Variants in SHANK2 observed in about 807,000 individuals in gnomAD.
SHANK2 encodes the protein SH3 and multiple ankyrin repeat domains 2, also known as SH3 and multiple ankyrin repeat domains protein 2.
Under a neutral mutation model 133.7 loss-of-function variants are expected in SHANK2, and 43 were observed. The ratio of observed to expected loss-of-function variants is 0.32; its 90% CI spans 0.25 to 0.41. SHANK2 has a LOEUF of 0.41. Ranked by LOEUF, SHANK2 falls within the 10% of genes least tolerant of loss-of-function variation. The pLI, the probability that SHANK2 is intolerant of heterozygous loss-of-function variation, is 1.00. For synonymous variants in SHANK2, 1,017 were observed against 952.8 expected, an observed-to-expected ratio of 1.07 and a Z score of -1.24; for missense variants, 1,994 against 2,235.8, an observed-to-expected ratio of 0.89 and a Z score of 2.18.
At chr11:71,149,081 CTCTT>C (rs782748746) in intron 2 of SHANK2, among the ~76,000 whole-genome samples, 93 of 152,170 alleles carry the variant, frequency 6.1e-4, no homozygotes, top group Admixed American at 4.9e-3. Flanking sequence ...CCGTATTATT[CTCTT>C]TGTTAGAAAT....
At chr11:70,828,618 A>AG (rs1409402506) in intron 11 of SHANK2, among the ~76,000 whole-genome samples, 1 of 152,200 alleles carries the variant, frequency 6.6e-6, no homozygotes, top group East Asian at 1.9e-4. Context: ...TGGACCAGCC[A>AG]GGGGGGCCAG....
intron 2 of SHANK2, among the ~76,000 whole-genome samples, chr11:71,216,709 A>G (rs1050033049): frequency 1.3e-5 from 2 of 152,174 alleles, no homozygotes; most frequent in African/African-American, 2.4e-5. Flanking sequence ...TCACAGCCCC[A>G]GGGACGTCGT....
chr11:70,738,383 G>A (rs1946451724), intron 14 of SHANK2, among the ~76,000 whole-genome samples: 1 of 152,226 alleles, frequency 6.6e-6, no homozygotes, highest in Non-Finnish European at 1.5e-5. Context: ...CTGCACCACA[G>A]CCCTGAGGGG....
chr11:71,090,445 G>C lies in SHANK2; in HGVS notation c.912+1977C>G, dbSNP rs1206306205. On this transcript the variant is annotated intron_variant, in intron 8 of 25. Transcript: ENST00000601538. Reference sequence around the variant, plus strand: ...AGGGTTCTCCAGAGAAACACTACGTGTGTGTGTGTGTGTGTGTGTGTGTGT... The same window carrying C: ...AGGGTTCTCCAGAGAAACACTACGTCTGTGTGTGTGTGTGTGTGTGTGTGT... Among the ~76,000 whole-genome samples the C allele has an allele frequency of 1.2e-3, 22 of 18,826 alleles. 7 individuals are homozygous for C. The highest frequency in any genetic ancestry group is 1.4e-3 in the African/African-American group (12 of 8,378). The allele number at this position is 18,826 out of a possible 152,430, so 12.4% of individuals were successfully genotyped here.
At chr11:71,101,419 C>G (rs1357435464) in intron 6 of SHANK2, among the ~76,000 whole-genome samples, 1 of 152,192 alleles carries the variant, frequency 6.6e-6, no homozygotes, top group Admixed American at 6.5e-5. Context: ...TAATTGGACC[C>G]TTAAAAACAG....
chr11:71,160,728 G>A (rs1952995934), intron 2 of SHANK2, among the ~76,000 whole-genome samples: 1 of 152,190 alleles, frequency 6.6e-6, no homozygotes, highest in African/African-American at 2.4e-5. Flanking sequence ...ACATAACAGA[G>A]TTGATGGGGA....
intron 11 of SHANK2, among the ~76,000 whole-genome samples, chr11:70,876,351 G>A (rs1949564753): frequency 6.6e-6 from 1 of 150,552 alleles, no homozygotes; most frequent in South Asian, 2.1e-4. Context: ...CACGAGGTCA[G>A]GAGAGGAGAC....
At chr11:71,145,748 C>A (rs1952630421) in intron 3 of SHANK2, among the ~76,000 whole-genome samples, 1 of 152,194 alleles carries the variant, frequency 6.6e-6, no homozygotes. Flanking sequence ...TGATGCTTCC[C>A]CGATCTCCAG....
intron 2 of SHANK2, among the ~76,000 whole-genome samples, chr11:71,172,302 G>C (rs1296391015): frequency 2.6e-5 from 4 of 152,082 alleles, no homozygotes; most frequent in African/African-American, 9.7e-5. Flanking sequence ...GCTTTCTCTT[G>C]TTACTTTATT....
chr11:70,635,767 A>AT (rs1555003781), intron 17 of SHANK2, among the ~76,000 whole-genome samples: 1 of 150,696 alleles, frequency 6.6e-6, no homozygotes, highest in African/African-American at 2.4e-5. Flanking sequence ...AAAAAAAAAA[A>AT]GGGGGGAGGA....
chr11:70,627,666 G>C (rs2060922486), intron 17 of SHANK2, among the ~76,000 whole-genome samples: 1 of 152,226 alleles, frequency 6.6e-6, no homozygotes, highest in African/African-American at 2.4e-5. Context: ...ATATCCTGGA[G>C]ATGGGACCCA....
intron 15 of SHANK2, among the ~76,000 whole-genome samples, chr11:70,666,263 T>C (rs1260431314): frequency 6.6e-6 from 1 of 152,060 alleles, no homozygotes; most frequent in Admixed American, 6.5e-5. Context: ...TTAGAAACTT[T>C]CAATGTTTTG....
At chr11:70,596,751 C>A (rs1190176042) in intron 17 of SHANK2, among the ~76,000 whole-genome samples, 1 of 152,180 alleles carries the variant, frequency 6.6e-6, no homozygotes, top group Admixed American at 6.5e-5. Context: ...TCTCCGGGGT[C>A]ACGGGCACTT....
At chr11:70,643,263 T>C (rs2061211120) in intron 17 of SHANK2, among the ~76,000 whole-genome samples, 1 of 152,134 alleles carries the variant, frequency 6.6e-6, no homozygotes. Flanking sequence ...TATTTTTGCA[T>C]GCTTTTTTAA....
chr11:70,841,891 A>G (rs1439910720), intron 11 of SHANK2, among the ~76,000 whole-genome samples: 1 of 152,110 alleles, frequency 6.6e-6, no homozygotes, highest in East Asian at 1.9e-4. Context: ...AGTCTTGGCT[A>G]CTGTCACCGA....
intron 1 of SHANK2, among the ~76,000 whole-genome samples, chr11:71,237,817 G>C (rs763739311): frequency 2.0e-5 from 3 of 152,176 alleles, no homozygotes; most frequent in Non-Finnish European, 4.4e-5. Context: ...AAGACGGCAG[G>C]ATGAGATTTC....
At chr11:70,593,640 G>A (rs1341574129) in intron 17 of SHANK2, among the ~76,000 whole-genome samples, 1 of 152,230 alleles carries the variant, frequency 6.6e-6, no homozygotes, top group Non-Finnish European at 1.5e-5. Context: ...CCTGTTGAGT[G>A]AATGAACGGA....
At chr11:71,248,114 G>A (rs1407354718) in intron 1 of SHANK2, among the ~76,000 whole-genome samples, 1 of 152,236 alleles carries the variant, frequency 6.6e-6, no homozygotes, top group Non-Finnish European at 1.5e-5. Context: ...TAGTGGGCAT[G>A]GGCCCATTGT....
At chr11:70,909,904 G>A (rs185438334) in intron 10 of SHANK2, among the ~76,000 whole-genome samples, 16 of 152,302 alleles carry the variant, frequency 1.1e-4, no homozygotes, top group Admixed American at 7.2e-4. Flanking sequence ...ACCACAGACC[G>A]GGCTGCTTAA....
Sources: gnomAD v4.1 joint callset for allele counts (sites outside exome capture counted in the v4.1 genomes callset) on GRCh38, gnomAD v4.1.1 for gene constraint, MANE v1.5 for transcripts, NCBI Gene and HGNC (gene_info 2026-07-23, HGNC 2026-07-21) for gene names.